IQCB1: variants seen among roughly 807,000 people sequenced by gnomAD.
IQCB1 encodes the protein IQ motif containing B1.
IQCB1 carries 56 observed loss-of-function variants against 84.4 expected under a neutral mutation model. The observed-to-expected ratio is 0.66, with a 90% CI of 0.54 to 0.83. The LOEUF (loss-of-function observed/expected upper bound fraction) is 0.83, where lower values mean the gene tolerates loss of function less well. IQCB1 is among the 40% of genes least tolerant of loss of function. The pLI, the probability that IQCB1 is intolerant of heterozygous loss-of-function variation, is 0.00. For synonymous variants in IQCB1, 210 were observed against 234.8 expected, an observed-to-expected ratio of 0.89 and a Z score of 0.96; for missense variants, 629 against 682.1, an observed-to-expected ratio of 0.92 and a Z score of 0.87.
chr3:121,831,669 G>C (rs1211064846), intron 2 of IQCB1, among the ~76,000 whole-genome samples: 3 of 152,182 alleles, frequency 2.0e-5, no homozygotes, highest in Non-Finnish European at 2.9e-5. Context: ...CTGCAGAATT[G>C]ATTGCTTGCT....
At chr3:121,805,432 C>T (rs575732030) in intron 7 of IQCB1, among the ~76,000 whole-genome samples, 13 of 152,146 alleles carry the variant, frequency 8.5e-5, no homozygotes, top group Non-Finnish European at 1.6e-4. Flanking sequence ...AAAGCCAAAT[C>T]GAAGGATAGC....
intron 5 of IQCB1, among the ~76,000 whole-genome samples, chr3:121,820,110 TA>T (rs892088273): frequency 2.0e-5 from 3 of 152,260 alleles, no homozygotes; most frequent in African/African-American, 7.2e-5. Context: ...TAATTAAAAT[TA>T]AATAAAATTT....
At chr3:121,786,661 A>G (rs1311152026) in intron 12 of IQCB1, among the ~76,000 whole-genome samples, 2 of 152,116 alleles carry the variant, frequency 1.3e-5, no homozygotes, top group African/African-American at 4.8e-5. Flanking sequence ...TAGCTAGAGG[A>G]GATATGAGGC....
chr3:121,804,175 T>A (rs1949519723), intron 7 of IQCB1, among the ~76,000 whole-genome samples: 1 of 152,152 alleles, frequency 6.6e-6, no homozygotes, highest in South Asian at 2.1e-4. Flanking sequence ...CCACTTCATG[T>A]ATAGTATAAG....
At chr3:121,809,601 C>G (rs551599453) in intron 5 of IQCB1, among the ~76,000 whole-genome samples, 6 of 152,022 alleles carry the variant, frequency 3.9e-5, no homozygotes, top group Non-Finnish European at 8.8e-5. Context: ...AGTAAATGTT[C>G]AATCAACATT....
chr3:121,828,398 A>C, intron 4 of IQCB1, 72 bp downstream of exon 4: 1 of 1,370,504 alleles, frequency 7.3e-7, no homozygotes. Flanking sequence ...CAGATAAATA[A>C]AAAGCAAATG....
At position 121,801,854 on chromosome 3, in the gene IQCB1, T is replaced by C. The variant is rs1042701527; in HGVS notation, c.588-2480A>G. ...TTTAATTAAAATCAGGGCTAGATAA[T>C]GGATTTTGTCAAAAGCTTTTTCTGT... is the stretch of plus-strand genomic sequence containing the variant. On this transcript the variant is annotated intron_variant, in intron 7 of 14. Transcript: ENST00000310864. Among the ~76,000 whole-genome samples, 3 of 142,246 alleles carry C rather than the reference T, an allele frequency of 2.1e-5. No individual in the cohort carries two copies. The South Asian group carries it at 6.7e-4, about 32-fold the overall frequency. The allele number at this position is 142,246 out of a possible 152,430, so 93.3% of individuals were successfully genotyped here.
In IQCB1 at chr3:121,790,013, T is replaced by C. The variant is rs559328108; in HGVS notation, c.1129+60A>G. 3.5e-5 allele frequency: 50 copies of C among 1,435,554 alleles called. No individual in the cohort carries two copies. In the Admixed American group the frequency reaches 6.2e-4, roughly 18 times the overall value. The allele number at this position is 1,435,554 out of a possible 1,614,324, so 88.9% of individuals were successfully genotyped here. ...AAAATCATCACGTAGCTAGAAAAGTTGGTTTGTTAAAAGATAACCTAAATA... is the reference window on the plus strand; with the variant it reads ...AAAATCATCACGTAGCTAGAAAAGTCGGTTTGTTAAAAGATAACCTAAATA... On this transcript the variant is annotated intron_variant, in intron 11 of 14. Transcript: ENST00000310864.
At chr3:121,806,545 G>A (rs1949605139) in intron 7 of IQCB1, among the ~76,000 whole-genome samples, 1 of 151,986 alleles carries the variant, frequency 6.6e-6, no homozygotes, top group East Asian at 1.9e-4. Context: ...TCTTATCTCT[G>A]TGCTTTTGTT....
At chr3:121,788,610 C>A (rs960978134) in intron 11 of IQCB1, among the ~76,000 whole-genome samples, 178 bp from the exon 12 acceptor site, 3 of 151,740 alleles carry the variant, frequency 2.0e-5, no homozygotes, top group African/African-American at 7.3e-5. Flanking sequence ...AAAGCTTTCC[C>A]AGATTATGCA....
chr3:121,812,809 G>C (rs1949881190), intron 5 of IQCB1, among the ~76,000 whole-genome samples: 1 of 152,190 alleles, frequency 6.6e-6, no homozygotes, highest in South Asian at 2.1e-4. Context: ...GTACCTGAAG[G>C]TGATGGGGAG....
chr3:121,801,810 CTTTTTTTT>C (rs5852277), intron 7 of IQCB1, among the ~76,000 whole-genome samples: 2 of 89,928 alleles, frequency 2.2e-5, no homozygotes, highest in African/African-American at 9.5e-5. Flanking sequence ...GCTGCAAGGC[CTTTTTTTT>C]TTTTTTTTTT....
At chr3:121,828,814 C>T (rs776078020) in intron 3 of IQCB1, 47 bp downstream of exon 3, 7 of 1,211,630 alleles carry the variant, frequency 5.8e-6, no homozygotes, top group Non-Finnish European at 8.6e-6. Flanking sequence ...AACGATGGAA[C>T]CATTTTTCAC....
chr3:121,785,402 A>C (rs1948667269), intron 12 of IQCB1, among the ~76,000 whole-genome samples: 1 of 152,070 alleles, frequency 6.6e-6, no homozygotes, highest in African/African-American at 2.4e-5. Context: ...CTACCAGTAC[A>C]TGCTACCACG....
At chr3:121,790,766 A>ACCCT (rs1377173608) in intron 10 of IQCB1, among the ~76,000 whole-genome samples, 1 of 147,440 alleles carries the variant, frequency 6.8e-6, no homozygotes, top group Non-Finnish European at 1.5e-5. Flanking sequence ...TGTGTCAAAA[A>ACCCT]ACTTACATTT....
At chr3:121,832,480 A>G (rs11717483) in intron 2 of IQCB1, among the ~76,000 whole-genome samples, 31,924 of 151,784 alleles carry the variant, frequency 0.21, 3,888 homozygotes, top group Non-Finnish European at 0.28. Context: ...GCGTGTGCCA[A>G]CGTGCCCAGC....
chr3:121,787,056 T>A (rs1003986760), intron 12 of IQCB1, among the ~76,000 whole-genome samples: 1 of 152,138 alleles, frequency 6.6e-6, no homozygotes, highest in Admixed American at 6.5e-5. Flanking sequence ...GGAGTACGTG[T>A]GATACAGTGA....
rs573000867 is a variant in IQCB1 at position 121,799,294 on chromosome 3, C to G, written c.668G>C (p.Ser223Thr). ...EVIFKLFSTP[S>T]PVIRSTATKL... ...TGTAGCAGTACTTCTTATAACTGGA[C>G]TAGGAGTTGAAAAAAGCTTGAAAAT... The change falls in exon 8 of 15, where the codon AGT becomes ACT. Residue 223 changes from serine (S) to threonine (T), a missense_variant. Coordinates refer to ENST00000310864, the MANE Select transcript of IQCB1 (RefSeq NM_001023570.4). 1 of 1,606,704 alleles carries G rather than the reference C, an allele frequency of 6.2e-7. No homozygotes were observed. The highest frequency in any genetic ancestry group is 2.2e-5 in the East Asian group (1 of 44,720).
At chr3:121,780,579 C>A (rs539864683) in intron 13 of IQCB1, among the ~76,000 whole-genome samples, 2 of 152,254 alleles carry the variant, frequency 1.3e-5, no homozygotes, top group African/African-American at 4.8e-5. Context: ...AGTAAGAGGG[C>A]TTATTTACAC....
Sources: gnomAD v4.1 joint callset for allele counts (sites outside exome capture counted in the v4.1 genomes callset) on GRCh38, gnomAD v4.1.1 for gene constraint, MANE v1.5 for transcripts, NCBI Gene and HGNC (gene_info 2026-07-23, HGNC 2026-07-21) for gene names.